HACD3: variants seen among roughly 807,000 people sequenced by gnomAD.
The protein encoded by HACD3 is 3-hydroxyacyl-CoA dehydratase 3, also known as very-long-chain (3R)-3-hydroxyacyl-CoA dehydratase 3.
In HACD3, 30 loss-of-function variants were observed where a neutral mutation model predicts 55.2. The observed-to-expected ratio is 0.54, with a 90% CI of 0.41 to 0.74. The LOEUF is 0.74. Ranked by LOEUF, HACD3 falls within the 30% of genes least tolerant of loss-of-function variation. The probability of loss-of-function intolerance (pLI) is 0.00; values close to 1 mark genes in which losing one functional copy is unlikely to be tolerated. For synonymous variants in HACD3, 141 were observed against 151.7 expected (o/e 0.93, Z 0.52); for missense variants, 363 against 440.1 (o/e 0.82, Z 1.57).
At chr15:65,544,770 C>T (rs1357657572) in intron 1 of HACD3, among the ~76,000 whole-genome samples, 2 of 151,844 alleles carry the variant, frequency 1.3e-5, no homozygotes, top group Non-Finnish European at 2.9e-5. Flanking sequence ...GCCTGTAATC[C>T]CAGCACTTTG....
chr15:65,531,375 A>G (rs2071897262), intron 1 of HACD3: 1 of 152,206 alleles, frequency 6.6e-6, no homozygotes, highest in South Asian at 2.1e-4. Context: ...GAGAACTTAA[A>G]AAGTTCTTAA....
intron 1 of HACD3, among the ~76,000 whole-genome samples, chr15:65,536,109 C>T (rs989137145): frequency 6.6e-6 from 1 of 152,158 alleles, no homozygotes; most frequent in African/African-American, 2.4e-5. Context: ...CTCCGCCTCC[C>T]AGCCTCAAGT....
chr15:65,557,106 C>CT (rs2072199649), intron 4 of HACD3, among the ~76,000 whole-genome samples: 1 of 152,202 alleles, frequency 6.6e-6, no homozygotes. Flanking sequence ...TGATGTTTCT[C>CT]TTACAACTAG....
At chr15:65,562,735 A>G (rs1195183519) in intron 5 of HACD3, 39 bp from the exon 6 acceptor site, 4 of 1,603,154 alleles carry the variant, frequency 2.5e-6, no homozygotes, top group Non-Finnish European at 3.4e-6. Flanking sequence ...TGCTGGGACT[A>G]TTGCTTTTAA....
chr15:65,567,929 T>G (rs908558814), intron 7 of HACD3, among the ~76,000 whole-genome samples: 3 of 150,992 alleles, frequency 2.0e-5, no homozygotes, highest in African/African-American at 7.3e-5. Context: ...ATAGTTTCTT[T>G]CTTTTTTTTT....
At chr15:65,566,160 A>C (rs1845192801) in intron 7 of HACD3, 1 of 152,264 alleles carries the variant, frequency 6.6e-6, no homozygotes, top group Non-Finnish European at 1.5e-5. Flanking sequence ...ATTTTTGTCG[A>C]AGCCATTCAA....
At chr15:65,537,416 G>A (rs1406571180) in intron 1 of HACD3, among the ~76,000 whole-genome samples, 1 of 152,062 alleles carries the variant, frequency 6.6e-6, no homozygotes, top group Non-Finnish European at 1.5e-5. Flanking sequence ...TGACTCTTTT[G>A]TTAGGGGCTA....
intron 10 of HACD3, among the ~76,000 whole-genome samples, chr15:65,575,198 T>G (rs976468470): frequency 6.6e-6 from 1 of 151,654 alleles, no homozygotes; most frequent in Admixed American, 6.6e-5. Flanking sequence ...GTTTTTTTTT[T>G]TTTTTTTGAG....
intron 1 of HACD3, among the ~76,000 whole-genome samples, chr15:65,533,924 C>T (rs1283417761): frequency 1.3e-5 from 2 of 151,592 alleles, no homozygotes; most frequent in Non-Finnish European, 2.9e-5. Context: ...TGGTGGCGGG[C>T]GCCTATAGTC....
rs558084200 is a variant in HACD3 at position 65,578,017 on chromosome 15, G to A, written c.*1638G>A. 1 of 152,406 alleles carries A rather than the reference G, an allele frequency of 6.6e-6. No individual in the cohort carries two copies. The highest frequency in any genetic ancestry group is 6.5e-5 in the Admixed American group (1 of 15,300). 9.4% of individuals were successfully genotyped at this position (152,406 alleles called of 1,614,324 possible). A position where few individuals can be genotyped will look rare whatever the true frequency, so the allele number is the denominator to read the frequency against. ...CCATTCCCAACATTCCTGGGGGAAA[G>A]GAGACTCAATGAGTTAATACTATTT... On this transcript the variant is annotated 3_prime_UTR_variant, in exon 11 of 11. Coordinates refer to ENST00000261875, the MANE Select transcript of HACD3 (RefSeq NM_016395.4).
At position 65,564,339 on chromosome 15, in the gene HACD3, C is replaced by G. The variant is rs1360298607; in HGVS notation, c.657C>G (p.Ile219Met). 2 of 1,612,744 alleles carry G rather than the reference C, an allele frequency of 1.2e-6. No homozygotes were observed. Among genetic ancestry groups the G allele is most frequent in the Non-Finnish European group, 1.7e-6 (2 of 1,179,340 alleles). The part of the protein sequence containing the change: ...VTTSPVLPSL[I>M]QLLGRNFILF... ...CGTCACCGGTGCTGCCTTCTCTGAT[C>G]CAGGTATTGAATAGTTAAGCTGAAG... The change falls in exon 7 of 11, where the codon ATC (isoleucine) becomes ATG (methionine). Residue 219 changes from isoleucine (I) to methionine (M), a missense_variant. Physicochemically the swap from Ile to Met is conservative, Grantham distance 10. Transcript: ENST00000261875.
At position 65,576,536 on chromosome 15, in the gene HACD3, TTA is replaced by T. The variant is rs1402571352; in HGVS notation, c.*159_*160del. 1.3e-6 allele frequency: 1 copy of T among 774,870 alleles called. No homozygotes were observed. Among genetic ancestry groups the T allele is most frequent in the African/African-American group, 1.8e-5 (1 of 56,878 alleles). The allele number at this position is 774,870 out of a possible 1,614,324, so 48.0% of individuals were successfully genotyped here. A position where few individuals can be genotyped will look rare whatever the true frequency, so the allele number is the denominator to read the frequency against. ...CCCAGTAACATTCCTGAATTTACTG[TTA>T]TCTTATTGTAGTACTTGCATGACAT... On this transcript the variant is annotated 3_prime_UTR_variant, in exon 11 of 11. Transcript: ENST00000261875.
chr15:65,536,719 G>A (rs778862141), intron 1 of HACD3, among the ~76,000 whole-genome samples: 14 of 152,160 alleles, frequency 9.2e-5, no homozygotes, highest in South Asian at 2.1e-4. Flanking sequence ...TCACGCCACC[G>A]CACTCCAGTG....
chr15:65,537,274 T>C (rs781099153), intron 1 of HACD3, among the ~76,000 whole-genome samples: 1 of 152,208 alleles, frequency 6.6e-6, no homozygotes, highest in Non-Finnish European at 1.5e-5. Context: ...CTAACTAAGA[T>C]CCTTGATGAA....
At chr15:65,548,753 G>A (rs192150257) in intron 1 of HACD3, among the ~76,000 whole-genome samples, 52 of 151,780 alleles carry the variant, frequency 3.4e-4, no homozygotes, top group African/African-American at 1.1e-3. Flanking sequence ...TTTTATTTTT[G>A]TAGAGACGGT....
chr15:65,545,949 C>G (rs1056810490), intron 1 of HACD3, among the ~76,000 whole-genome samples: 5 of 152,236 alleles, frequency 3.3e-5, no homozygotes, highest in Non-Finnish European at 7.3e-5. Context: ...GCTTCCGCTT[C>G]TTCTCTCTTA....
intron 3 of HACD3, 100 bp from the exon 4 acceptor site, chr15:65,556,639 G>A (rs2072193241): frequency 1.6e-6 from 2 of 1,241,762 alleles, no homozygotes; most frequent in Admixed American, 2.7e-5. Flanking sequence ...GAAAGAAGGA[G>A]AATAAATATA....
At chr15:65,571,697 G>C (rs775456604) in intron 9 of HACD3, 43 bp downstream of exon 9, 3 of 1,458,766 alleles carry the variant, frequency 2.1e-6, no homozygotes, top group East Asian at 4.6e-5. Context: ...AGCTCCAGGG[G>C]GTACCCAGAG....
chr15:65,558,161 G>T (rs1018452030), intron 4 of HACD3, among the ~76,000 whole-genome samples: 1 of 152,090 alleles, frequency 6.6e-6, no homozygotes, highest in African/African-American at 2.4e-5. Flanking sequence ...GACAGAACAA[G>T]AAAATATATG....
Sources: allele counts gnomAD v4.1 joint callset (sites outside exome capture counted in the v4.1 genomes callset), GRCh38; gene constraint gnomAD v4.1.1; transcripts MANE v1.5; gene names NCBI Gene and HGNC (gene_info 2026-07-23, HGNC 2026-07-21).